NIPSNAP2: variants seen among roughly 807,000 people sequenced by gnomAD.
NIPSNAP2 encodes the protein protein NipSnap homolog 2.
In NIPSNAP2, 42 loss-of-function variants were observed where a neutral mutation model predicts 48.4. That is an observed-to-expected ratio of 0.87 (90% CI 0.68 to 1.12). The LOEUF is 1.12. Ranked by LOEUF, NIPSNAP2 falls within the 50% of genes most tolerant of loss-of-function variation. The probability of loss-of-function intolerance (pLI) is 0.00; values close to 1 mark genes in which losing one functional copy is unlikely to be tolerated. For synonymous variants in NIPSNAP2, 158 were observed against 126.6 expected, an observed-to-expected ratio of 1.25 and a Z score of -1.67; for missense variants, 314 against 347.3, an observed-to-expected ratio of 0.90 and a Z score of 0.76.
intron 9 of NIPSNAP2, among the ~76,000 whole-genome samples, chr7:55,998,034 T>G (rs1200949931): frequency 2.0e-5 from 3 of 152,102 alleles, no homozygotes; most frequent in African/African-American, 7.2e-5. Flanking sequence ...GCAAGTATAT[T>G]TCAGGCCGGG....
At chr7:55,998,450 T>G (rs571037541) in intron 9 of NIPSNAP2, among the ~76,000 whole-genome samples, 1 of 151,106 alleles carries the variant, frequency 6.6e-6, no homozygotes, top group Non-Finnish European at 1.5e-5. Context: ...AGTATGGACT[T>G]TTCCTACCTC....
intron 1 of NIPSNAP2, among the ~76,000 whole-genome samples, chr7:55,975,954 T>C (rs1787098775): frequency 6.6e-6 from 1 of 152,136 alleles, no homozygotes; most frequent in African/African-American, 2.4e-5. Flanking sequence ...GGAGAATCGC[T>C]TGAACCTGGG....
chr7:55,976,881 C>A (rs1787117212), intron 1 of NIPSNAP2, among the ~76,000 whole-genome samples: 1 of 151,826 alleles, frequency 6.6e-6, no homozygotes, highest in Non-Finnish European at 1.5e-5. Context: ...GGTGACAGGG[C>A]AAGACCCAGT....
chr7:55,988,864 CA>C (rs34603776), intron 7 of NIPSNAP2, among the ~76,000 whole-genome samples: 2 of 150,930 alleles, frequency 1.3e-5, no homozygotes, highest in East Asian at 1.9e-4. Context: ...GACTCCATCT[CA>C]AAAAAAAGAA....
Position 55,964,675 on chromosome 7 carries a change from C to T in NIPSNAP2, c.66C>T (p.Ala22=). The T allele has an allele frequency of 4.5e-6, 5 of 1,122,142 alleles. No homozygotes were observed. The highest frequency in any genetic ancestry group is 5.4e-6 in the Non-Finnish European group (5 of 917,972). The allele number at this position is 1,122,142 out of a possible 1,614,324, so 69.5% of individuals were successfully genotyped here. Residue 22 remains alanine (A), a synonymous_variant, in exon 1 of 10, where the codon GCC becomes GCT. Transcript: ENST00000322090. ...CCGGCGGCCTCCTGCAGCGGGCGGC[C>T]CCCTGCAGCCTCCTGCCCAGGCTCC... ...AWAGGLLQRA[A]PCSLLPRLRT... is the part of the protein sequence containing the mutation.
intron 1 of NIPSNAP2, among the ~76,000 whole-genome samples, chr7:55,968,969 C>T (rs1352778367): frequency 1.3e-5 from 2 of 151,070 alleles, no homozygotes; most frequent in African/African-American, 2.4e-5. Flanking sequence ...ATTGCTCGAG[C>T]GCAGGAGGTG....
rs918191116 is a variant in NIPSNAP2 at position 55,984,882 on chromosome 7, A to G, written c.617+4A>G. 1 of 1,606,784 alleles carries G rather than the reference A, an allele frequency of 6.2e-7. No individual in the cohort carries two copies. Among genetic ancestry groups the G allele is most frequent in the Non-Finnish European group, 8.5e-7 (1 of 1,175,864 alleles). On this transcript the variant is annotated splice_donor_region_variant and intron_variant, in intron 7 of 9. Transcript: ENST00000322090. Reference sequence around the variant, plus strand: ...TGATTGAATGGGGCAATTACTGGTGAGTATATTACTGAATGGTGATTTTTT... The same window carrying G: ...TGATTGAATGGGGCAATTACTGGTGGGTATATTACTGAATGGTGATTTTTT...
At chr7:55,974,448 A>G (rs1167280337) in intron 1 of NIPSNAP2, among the ~76,000 whole-genome samples, 1 of 151,942 alleles carries the variant, frequency 6.6e-6, no homozygotes, top group African/African-American at 2.4e-5. Context: ...CCTTGTTTAA[A>G]TTCCTGGTCC....
chr7:55,969,624 AGTCAGGG>A (rs1481424249), intron 1 of NIPSNAP2, among the ~76,000 whole-genome samples: 1 of 152,150 alleles, frequency 6.6e-6, no homozygotes. Flanking sequence ...GCTCCCGTGA[AGTCAGGG>A]CCAGGTTCAT....
rs1562770432 is a variant in NIPSNAP2, at chr7:55,997,396, T to C, written c.743T>C (p.Ile248Thr). ...AGGGATCTTCAGACCAGGGAAGACA[T>C]ACGGAATGCAGCATGGCACAAACAT... ...AYRDLQTREDIRNAAWHKHGW... is the reference protein window; with the variant it reads ...AYRDLQTREDTRNAAWHKHGW... The change falls in exon 9 of 10, where the codon ATA becomes ACA. Residue 248 changes from isoleucine to threonine, a missense_variant. Coordinates refer to ENST00000322090, the MANE Select transcript of NIPSNAP2 (RefSeq NM_001483.3). The C allele has an allele frequency of 6.2e-7, 1 of 1,613,926 alleles. No individual in the cohort carries two copies. The highest frequency in any genetic ancestry group is 8.5e-7 in the Non-Finnish European group (1 of 1,179,848).
Position 55,984,879 on chromosome 7 carries a change from G to T in NIPSNAP2, c.617+1G>T. ...CCATGATTGAATGGGGCAATTACTG[G>T]TGAGTATATTACTGAATGGTGATTT... is the stretch of plus-strand genomic sequence containing the variant. On this transcript the variant is annotated splice_donor_variant, in intron 7 of 9. Transcript: ENST00000322090. LOFTEE classifies it high-confidence loss of function. The T allele has an allele frequency of 6.2e-7, 1 of 1,609,082 alleles. No homozygotes were observed. The highest frequency in any genetic ancestry group is 8.5e-7 in the Non-Finnish European group (1 of 1,177,050).
At chr7:55,971,562 A>G (rs1236474313) in intron 1 of NIPSNAP2, among the ~76,000 whole-genome samples, 2 of 152,096 alleles carry the variant, frequency 1.3e-5, no homozygotes, top group African/African-American at 4.8e-5. Context: ...TTGTGGGCTC[A>G]AGCGATCCTC....
intron 1 of NIPSNAP2, among the ~76,000 whole-genome samples, chr7:55,971,604 A>G (rs1404902852): frequency 6.6e-6 from 1 of 152,094 alleles, no homozygotes; most frequent in Non-Finnish European, 1.5e-5. Flanking sequence ...CTAGGACCAT[A>G]AGCACGAGCC....
chr7:55,981,411 G>C (rs1007152245), intron 3 of NIPSNAP2, 62 bp from the exon 4 acceptor site: 1 of 1,142,680 alleles, frequency 8.8e-7, no homozygotes, highest in Non-Finnish European at 1.3e-6. Flanking sequence ...CTGATCAGGT[G>C]CTGTCCACCT....
At chr7:55,998,984 C>G (rs559626734) in intron 9 of NIPSNAP2, 24 bp from the exon 10 acceptor site, 47 of 1,601,542 alleles carry the variant, frequency 2.9e-5, no homozygotes, top group East Asian at 2.2e-4. Context: ...GTAACAAGTG[C>G]AGTAACCCTG....
Position 55,982,188 on chromosome 7 carries a change from T to C in NIPSNAP2, c.374-22T>C, listed in dbSNP as rs754457934. 4.0e-6 allele frequency: 6 copies of C among 1,511,466 alleles called. No homozygotes were observed. The South Asian group carries it at 4.5e-5, about 11-fold the overall frequency. The allele number at this position is 1,511,466 out of a possible 1,614,324, so 93.6% of individuals were successfully genotyped here. On this transcript the variant is annotated intron_variant, in intron 4 of 9. Coordinates refer to ENST00000322090, the MANE Select transcript of NIPSNAP2 (RefSeq NM_001483.3). ...GTATCATGAAATTCTAAACGTATAC[T>C]GTCTTTTAAAATGCATTTCAGTCCA...
Position 55,983,739 on chromosome 7 carries a change from A to AT in NIPSNAP2, c.459dup (p.Arg154SerfsTer2). On this transcript the variant is annotated frameshift_variant, in exon 6 of 10. Transcript: ENST00000322090. LOFTEE classifies it high-confidence loss of function. ...TTTTTCACTCAAAGGAATTTTTGGA[A>AT]TTTCGTAAGGCAAGAAGTGACATGC... 3 of 1,613,170 alleles carry AT rather than the reference A, an allele frequency of 1.9e-6. No individual in the cohort carries two copies. The highest frequency in any genetic ancestry group is 2.5e-6 in the Non-Finnish European group (3 of 1,179,828).
intron 5 of NIPSNAP2, among the ~76,000 whole-genome samples, chr7:55,982,828 A>C (rs922791082): frequency 6.6e-6 from 1 of 151,766 alleles, no homozygotes; most frequent in Non-Finnish European, 1.5e-5. Flanking sequence ...TGGTACTTTG[A>C]AACCGGTGAC....
chr7:55,999,063 C>T lies in NIPSNAP2; in HGVS notation c.852C>T (p.Pro284=). The T allele has an allele frequency of 1.2e-6, 2 of 1,613,062 alleles. No homozygotes were observed. The highest frequency in any genetic ancestry group is 2.2e-5 in the East Asian group (1 of 44,870). Residue 284 remains proline (P), a synonymous_variant, in exon 10 of 10, where the codon CCC becomes CCT. Transcript: ENST00000322090. ...TCATGATCCCACTGAAGACCTCGCC[C>T]CTCCAGTAAAGCTGTAGAGTTTCTA... ...SRIMIPLKTS[P]LQ is the part of the protein sequence containing the mutation.
Sources: gnomAD v4.1 joint callset for allele counts (sites outside exome capture counted in the v4.1 genomes callset) on GRCh38, gnomAD v4.1.1 for gene constraint, MANE v1.5 for transcripts, NCBI Gene and HGNC (gene_info 2026-07-23, HGNC 2026-07-21) for gene names.